Variants in SLC35E4 observed in about 807,000 individuals in gnomAD.
The protein encoded by SLC35E4 is solute carrier family 35 member E4, also known as solute carrier family 35, member E4.
SLC35E4 carries 15 observed loss-of-function variants against 19.3 expected under a neutral mutation model. The observed-to-expected ratio is 0.78, with a 90% CI of 0.52 to 1.20. The LOEUF (loss-of-function observed/expected upper bound fraction) is 1.20. SLC35E4 is among the 50% of genes most tolerant of loss of function. The pLI is 0.00. For missense variants in SLC35E4, 406 were observed against 472.3 expected (o/e 0.86, Z 1.30); for synonymous variants, 219 against 219.9 (o/e 1.00, Z 0.04).
intron 2 of SLC35E4, among the ~76,000 whole-genome samples, chr22:30,659,123 C>CAAAAA (rs35939188): frequency 1.9e-5 from 2 of 104,748 alleles, no homozygotes; most frequent in Admixed American, 2.0e-4. Context: ...GACTCCATCT[C>CAAAAA]AAAAAAAAAA....
chr22:30,640,797 T>C (rs1217029121), intron 1 of SLC35E4, among the ~76,000 whole-genome samples: 1 of 151,946 alleles, frequency 6.6e-6, no homozygotes, highest in African/African-American at 2.4e-5. Flanking sequence ...GTTGATGGAG[T>C]CCAAGGGGCC....
At position 30,647,120 on chromosome 22, in the gene SLC35E4, G is replaced by A; in HGVS notation, c.*89G>A. ...CATAGAAGGAATGGAGAACAGGGCT[G>A]GGCATGGTGGCTCACGCCTATAATC... On this transcript the variant is annotated 3_prime_UTR_variant, in exon 2 of 2. Transcript: ENST00000343605. The A allele has an allele frequency of 7.0e-7, 1 of 1,421,948 alleles. No homozygotes were observed. Among genetic ancestry groups the A allele is most frequent in the Non-Finnish European group, 9.3e-7 (1 of 1,072,530 alleles). 88.1% of individuals were successfully genotyped at this position (1,421,948 alleles called of 1,614,324 possible).
downstream of SLC35E4, chr22:30,663,479 A>AG (rs758823492): frequency 1.1e-5 from 18 of 1,613,724 alleles, no homozygotes; most frequent in East Asian, 3.3e-4. Context: ...CATAGATGTC[A>AG]GGGATCATTC....
At chr22:30,660,382 CA>C (rs1275668012) in intron 2 of SLC35E4, among the ~76,000 whole-genome samples, 1 of 152,138 alleles carries the variant, frequency 6.6e-6, no homozygotes. Flanking sequence ...TGGCTCACTG[CA>C]GCCTTGACCT....
At chr22:30,643,258 C>T (rs1372256595) in intron 1 of SLC35E4, among the ~76,000 whole-genome samples, 1 of 152,180 alleles carries the variant, frequency 6.6e-6, no homozygotes, top group Non-Finnish European at 1.5e-5. Flanking sequence ...CAGGCGGACT[C>T]AACCCCTCTG....
intron 2 of SLC35E4, among the ~76,000 whole-genome samples, chr22:30,660,202 T>C (rs1320684282): frequency 6.6e-6 from 1 of 152,226 alleles, no homozygotes; most frequent in African/African-American, 2.4e-5. Flanking sequence ...CTATAGAAAT[T>C]GTGAGAAAAT....
In SLC35E4 at chr22:30,647,062, T is replaced by C. The variant is rs1419734999; in HGVS notation, c.*31T>C. The stretch of plus-strand genomic sequence containing the variant: ...GGGGGATCTCAGGAGCCACCTGGGA[T>C]GGCCCTGGCCTGAATCCAGCCTCCG... On this transcript the variant is annotated 3_prime_UTR_variant, in exon 2 of 2. Transcript: ENST00000343605. 2 of 1,553,584 alleles carry C rather than the reference T, an allele frequency of 1.3e-6. No homozygotes were observed. Among genetic ancestry groups the C allele is most frequent in the South Asian group, 2.4e-5 (2 of 82,602 alleles).
rs368470438 is a variant in SLC35E4 at position 30,646,923 on chromosome 22, C to T, written c.945C>T (p.Ile315=). The T allele has an allele frequency of 3.4e-5, 55 of 1,614,060 alleles. No homozygotes were observed. Among genetic ancestry groups the T allele is most frequent in the Non-Finnish European group, 4.2e-5 (49 of 1,180,046 alleles). ...TCAGTGCCCTCAGCTACGTGGGCAT[C>T]GCACTCACTCTTTCAGGAATGTTCC... is the stretch of plus-strand genomic sequence containing the variant. ...SRLSALSYVG[I]ALTLSGMFLY... Residue 315 remains isoleucine (I), a synonymous_variant, in exon 2 of 2, where the codon ATC becomes ATT. Transcript: ENST00000343605.
intron 1 of SLC35E4, among the ~76,000 whole-genome samples, chr22:30,639,429 CATCTT>C (rs2088000716): frequency 6.6e-6 from 1 of 152,150 alleles, no homozygotes; most frequent in Admixed American, 6.6e-5. Context: ...TCATTGATAA[CATCTT>C]ATCAAGAGAC....
intron 2 of SLC35E4, among the ~76,000 whole-genome samples, chr22:30,655,330 G>A (rs371514568): frequency 1.1e-4 from 16 of 147,830 alleles, no homozygotes; most frequent in East Asian, 1.0e-3. Context: ...GGTGGTGCAC[G>A]CCTGTAGTCC....
At chr22:30,663,361 T>C, downstream of SLC35E4, 1 of 1,426,310 alleles carries the variant, frequency 7.0e-7, no homozygotes, top group Non-Finnish European at 9.5e-7. Flanking sequence ...AAGTAGAATG[T>C]TCAAGTTTGG....
At chr22:30,667,574 G>C (rs1041378934), downstream of SLC35E4, 3 of 152,324 alleles carry the variant, frequency 2.0e-5, no homozygotes, top group African/African-American at 4.8e-5. Flanking sequence ...CTCAATCCCC[G>C]CTGGCCTAAC....
chr22:30,661,689 T>C (rs1055280041), intron 2 of SLC35E4: 1 of 152,230 alleles, frequency 6.6e-6, no homozygotes, highest in Non-Finnish European at 1.5e-5. Context: ...TTTCAAATGC[T>C]GTTTGCTGAA....
chr22:30,637,641 C>G (rs577556611), intron 1 of SLC35E4, among the ~76,000 whole-genome samples: 1 of 152,184 alleles, frequency 6.6e-6, no homozygotes, highest in South Asian at 2.1e-4. Context: ...CTTCCCCCCT[C>G]AGCTTCCTGA....
rs1465348414 is a variant in SLC35E4 at position 30,646,892 on chromosome 22, G to A, written c.914G>A (p.Ser305Asn). The A allele has an allele frequency of 6.2e-7, 1 of 1,614,230 alleles. No homozygotes were observed. The highest frequency in any genetic ancestry group is 1.1e-5 in the South Asian group (1 of 91,086). ...ATCCTGTCCCGGCTGTTGTTTGGCA[G>A]CCGCCTCAGTGCCCTCAGCTACGTG... ...NLILSRLLFG[S>N]RLSALSYVGI... is the part of the protein sequence containing the mutation. The change falls in exon 2 of 2, where the codon AGC (serine) becomes AAC (asparagine). Residue 305 changes from serine (S) to asparagine (N), a missense_variant. Transcript: ENST00000343605.
exon 3 of SLC35E4, chr22:30,668,425 G>C (rs1283847870): frequency 6.6e-6 from 1 of 152,246 alleles, no homozygotes; most frequent in Non-Finnish European, 1.5e-5. Flanking sequence ...AGGGGAGTCT[G>C]GATTTCTCAT....
At chr22:30,658,267 G>A (rs748023226) in intron 2 of SLC35E4, among the ~76,000 whole-genome samples, 13 of 151,804 alleles carry the variant, frequency 8.6e-5, no homozygotes, top group South Asian at 2.1e-4. Context: ...GGCTGGGTGC[G>A]GTTGCTCATG....
At chr22:30,637,710 T>A (rs2145574844) in intron 1 of SLC35E4, among the ~76,000 whole-genome samples, 1 of 152,346 alleles carries the variant, frequency 6.6e-6, no homozygotes, top group South Asian at 2.1e-4. Flanking sequence ...TTGACTAGCC[T>A]TTTATCTCAC....
rs56070783 is a variant in SLC35E4, at chr22:30,641,718, ATTTTTTTT to A, written c.619+4669_619+4676del. Among the ~76,000 whole-genome samples, 312 of 108,934 alleles carry A rather than the reference ATTTTTTTT, an allele frequency of 2.9e-3. 7 individuals carry two copies. In the East Asian group the frequency reaches 0.046, roughly 16 times the overall value. The allele number at this position is 108,934 out of a possible 152,430, so 71.5% of individuals were successfully genotyped here. The stretch of plus-strand genomic sequence containing the variant: ...ATGCCACCGTCCTGGCTAATTTTTA[ATTTTTTTT>A]TTTTTTTTTTTTTTTTTTTAGAAAC... On this transcript the variant is annotated intron_variant, in intron 1 of 1. Transcript: ENST00000343605.
Sources: gnomAD v4.1 joint callset for allele counts (sites outside exome capture counted in the v4.1 genomes callset) on GRCh38, gnomAD v4.1.1 for gene constraint, MANE v1.5 for transcripts, NCBI Gene and HGNC (gene_info 2026-07-23, HGNC 2026-07-21) for gene names.